PTGER3: variants seen among roughly 807,000 people sequenced by gnomAD.
PTGER3 encodes the protein prostaglandin E receptor 3.
A neutral mutation model predicts 34.7 loss-of-function variants in PTGER3; 22 were observed. The observed-to-expected ratio is 0.63, with a 90% CI of 0.45 to 0.91. The LOEUF (loss-of-function observed/expected upper bound fraction) is 0.91. Ranked by LOEUF, PTGER3 falls within the 40% of genes least tolerant of loss-of-function variation. The pLI, the probability that PTGER3 is intolerant of heterozygous loss-of-function variation, is 0.00. For synonymous variants in PTGER3, 241 were observed against 230.1 expected, an observed-to-expected ratio of 1.05 and a Z score of -0.43; for missense variants, 468 against 519.4, an observed-to-expected ratio of 0.90 and a Z score of 0.96.
intron 1 of PTGER3, among the ~76,000 whole-genome samples, chr1:71,029,903 G>A (rs1194838754): frequency 1.3e-5 from 2 of 149,476 alleles, no homozygotes; most frequent in African/African-American, 2.5e-5. Flanking sequence ...TCCAGCCTGG[G>A]TGACAGAGTG....
chr1:70,982,690 G>A (rs1170082260), intron 2 of PTGER3, among the ~76,000 whole-genome samples: 2 of 152,112 alleles, frequency 1.3e-5, no homozygotes, highest in Non-Finnish European at 2.9e-5. Context: ...TATTTGCAGA[G>A]CTAAAAAATT....
chr1:71,024,599 G>A (rs1658716769), intron 1 of PTGER3, among the ~76,000 whole-genome samples: 1 of 146,034 alleles, frequency 6.8e-6, no homozygotes, highest in Admixed American at 6.8e-5. Flanking sequence ...AGATTCTAGA[G>A]TTTTCATGTA....
At chr1:70,880,730 C>G (rs1646374170) in intron 4 of PTGER3, among the ~76,000 whole-genome samples, 1 of 151,884 alleles carries the variant, frequency 6.6e-6, no homozygotes, top group Non-Finnish European at 1.5e-5. Flanking sequence ...GAATATAGGC[C>G]CCTAAGTCTC....
At chr1:70,918,563 G>A (rs764243981) in intron 4 of PTGER3, among the ~76,000 whole-genome samples, 18 of 151,920 alleles carry the variant, frequency 1.2e-4, no homozygotes, top group African/African-American at 2.2e-4. Flanking sequence ...TGATCATTCC[G>A]GACTTGAGTC....
At chr1:70,875,780 AT>A (rs1249954718) in intron 4 of PTGER3, among the ~76,000 whole-genome samples, 2 of 152,224 alleles carry the variant, frequency 1.3e-5, no homozygotes, top group South Asian at 4.1e-4. Context: ...CTTTATCCAT[AT>A]TGCTGTAAAG....
intron 1 of PTGER3, among the ~76,000 whole-genome samples, chr1:71,044,997 C>T (rs1660634139): frequency 1.3e-5 from 2 of 152,158 alleles, no homozygotes; most frequent in Admixed American, 6.5e-5. Flanking sequence ...GCCACCTGTA[C>T]ACTCCATTCC....
At chr1:70,994,127 T>TA (rs1365878019) in intron 2 of PTGER3, among the ~76,000 whole-genome samples, 5 of 152,152 alleles carry the variant, frequency 3.3e-5, no homozygotes, top group African/African-American at 1.2e-4. Context: ...GCCTGGCCGC[T>TA]CACCTCTCAG....
chr1:70,950,970 C>T (rs1650706860), downstream of PTGER3: 2 of 152,204 alleles, frequency 1.3e-5, no homozygotes, highest in African/African-American at 4.8e-5. Flanking sequence ...CCTGCCTCGG[C>T]CTCCAAAGTG....
intron 4 of PTGER3, among the ~76,000 whole-genome samples, chr1:70,887,639 C>A (rs1179965835): frequency 6.6e-6 from 1 of 151,750 alleles, no homozygotes; most frequent in Non-Finnish European, 1.5e-5. Context: ...TCAACAAAGT[C>A]TCTAAATAAT....
Position 70,974,328 on chromosome 1 carries a change from A to G in PTGER3, c.1138T>C (p.Ser380Pro). The G allele has an allele frequency of 6.6e-7, 1 of 1,522,008 alleles. No homozygotes were observed. 94.3% of individuals were successfully genotyped at this position (1,522,008 alleles called of 1,614,324 possible). Reference sequence around the variant, plus strand: ...AAATGGTCGCTCCACATCAAGGTTGAGGAACACTGGCAGGGTAAGGAGGTG... The same window carrying G: ...AAATGGTCGCTCCACATCAAGGTTGGGGAACACTGGCAGGGTAAGGAGGTG... The part of the protein sequence containing the change: ...SSTSLPCQCS[S>P]TLMWSDHLER Residue 380 changes from serine (S) to proline (P), a missense_variant, in exon 3 of 4, where the codon TCA (serine) becomes CCA (proline). Coordinates refer to ENST00000306666, the MANE Select transcript of PTGER3 (RefSeq NM_198719.2).
intron 4 of PTGER3, among the ~76,000 whole-genome samples, chr1:70,906,416 T>G (rs1646949819): frequency 6.6e-6 from 1 of 152,168 alleles, no homozygotes; most frequent in Non-Finnish European, 1.5e-5. Flanking sequence ...ACCACAGAAT[T>G]ATTAAATCAG....
chr1:70,968,135 A>C (rs1211023493), downstream of PTGER3, among the ~76,000 whole-genome samples: 3 of 152,172 alleles, frequency 2.0e-5, no homozygotes, highest in African/African-American at 7.2e-5. Context: ...ATTGGGTTGC[A>C]CTGATGCTGA....
At chr1:70,872,498 GC>G (rs1646183813) in intron 4 of PTGER3, among the ~76,000 whole-genome samples, 1 of 152,158 alleles carries the variant, frequency 6.6e-6, no homozygotes, top group Admixed American at 6.5e-5. Flanking sequence ...TGAGCATACA[GC>G]TATTGCTCGC....
At chr1:71,004,307 A>G (rs1282755296) in intron 2 of PTGER3, among the ~76,000 whole-genome samples, 1 of 152,100 alleles carries the variant, frequency 6.6e-6, no homozygotes, top group African/African-American at 2.4e-5. Context: ...TTCCCATTTT[A>G]TACAAACAAT....
chr1:71,028,978 C>G (rs1446453500), intron 1 of PTGER3, among the ~76,000 whole-genome samples: 1 of 152,160 alleles, frequency 6.6e-6, no homozygotes, highest in African/African-American at 2.4e-5. Context: ...TTGATTCACT[C>G]AACACTATTT....
chr1:70,852,845 T>TC (rs755153293), exon 5 of PTGER3: 1 of 1,613,398 alleles, frequency 6.2e-7, no homozygotes, highest in South Asian at 1.1e-5. Flanking sequence ...GGTTTTAATT[T>TC]CCCCAAAATT....
intron 2 of PTGER3, among the ~76,000 whole-genome samples, chr1:70,991,442 G>A (rs1655470913): frequency 6.6e-6 from 1 of 152,090 alleles, no homozygotes; most frequent in African/African-American, 2.4e-5. Context: ...TACACTCTCT[G>A]AGCCAGAATA....
intron 2 of PTGER3, chr1:71,006,482 G>T (rs1656978452): frequency 1.0e-6 from 1 of 985,204 alleles, no homozygotes; most frequent in Non-Finnish European, 1.2e-6. Flanking sequence ...TATGAGCAAG[G>T]ACAATTCTTA....
intron 4 of PTGER3, among the ~76,000 whole-genome samples, chr1:70,898,922 T>C (rs997892050): frequency 6.6e-6 from 1 of 152,200 alleles, no homozygotes; most frequent in Non-Finnish European, 1.5e-5. Context: ...TCCTCTTTCT[T>C]AACTATTGCC....
Sources: gnomAD v4.1 joint callset for allele counts (sites outside exome capture counted in the v4.1 genomes callset) on GRCh38, gnomAD v4.1.1 for gene constraint, MANE v1.5 for transcripts, NCBI Gene and HGNC (gene_info 2026-07-23, HGNC 2026-07-21) for gene names.